ABRAXAS2: variants seen among roughly 807,000 people sequenced by gnomAD.
ABRAXAS2 encodes the protein abraxas 2, BRISC complex subunit.
Under a neutral mutation model 49.0 loss-of-function variants are expected in ABRAXAS2, and 23 were observed. That is an observed-to-expected ratio of 0.47 (90% CI 0.34 to 0.66). ABRAXAS2 has a LOEUF of 0.66. Ranked by LOEUF, ABRAXAS2 falls within the 30% of genes least tolerant of loss-of-function variation. The probability of loss-of-function intolerance (pLI) is 0.01; values close to 1 mark genes in which losing one functional copy is unlikely to be tolerated. For synonymous variants in ABRAXAS2, 168 were observed against 180.2 expected, an observed-to-expected ratio of 0.93 and a Z score of 0.54; for missense variants, 443 against 511.9, an observed-to-expected ratio of 0.87 and a Z score of 1.30.
At chr10:124,816,728 T>A in intron 3 of ABRAXAS2, 116 bp downstream of exon 3, 1 of 723,628 alleles carries the variant, frequency 1.4e-6, no homozygotes, top group Non-Finnish European at 2.4e-6. Context: ...CCCAAATCCA[T>A]GTATTTATTG....
In ABRAXAS2 at chr10:124,826,691, G is replaced by A. The variant is rs199972615; in HGVS notation, c.364G>A (p.Val122Met). The change falls in exon 5 of 9, where the codon GTG becomes ATG. Residue 122 changes from valine to methionine, a missense_variant. Transcript: ENST00000298492. ...CAAGCAGCTCACCCGCATCCTCGGCGTGCCCGACCTCGTCTTTCTTCTCTT... is the reference window on the plus strand; with the variant it reads ...CAAGCAGCTCACCCGCATCCTCGGCATGCCCGACCTCGTCTTTCTTCTCTT... ...LHKQLTRILG[V>M]PDLVFLLFSF... 1.0e-4 allele frequency: 161 copies of A among 1,614,068 alleles called. 1 individual carries two copies. Among genetic ancestry groups the A allele is most frequent in the African/African-American group, 3.3e-4 (25 of 74,930 alleles).
chr10:124,816,717 AC>A, intron 3 of ABRAXAS2, 105 bp downstream of exon 3: 1 of 771,738 alleles, frequency 1.3e-6, no homozygotes. Context: ...TCATGAGGGT[AC>A]CCAAATCCAT....
At chr10:124,809,539 G>A (rs1318272823) in intron 2 of ABRAXAS2, among the ~76,000 whole-genome samples, 1 of 151,842 alleles carries the variant, frequency 6.6e-6, no homozygotes, top group African/African-American at 2.4e-5. Flanking sequence ...ACCCGCTTTG[G>A]CCTCCCAAAG....
At chr10:124,822,791 C>CA (rs538474876) in intron 4 of ABRAXAS2, among the ~76,000 whole-genome samples, 2,911 of 65,490 alleles carry the variant, frequency 0.044, 49 homozygotes, top group South Asian at 0.15. Context: ...GACTCCAACT[C>CA]AAAAAAAAAA....
chr10:124,813,361 G>A (rs899379819), intron 2 of ABRAXAS2, among the ~76,000 whole-genome samples: 1 of 152,194 alleles, frequency 6.6e-6, no homozygotes, highest in African/African-American at 2.4e-5. Context: ...AGTGTCCTTA[G>A]TTAATGAGGT....
At chr10:124,819,952 A>G (rs2134166027) in intron 4 of ABRAXAS2, among the ~76,000 whole-genome samples, 1 of 152,292 alleles carries the variant, frequency 6.6e-6, no homozygotes, top group South Asian at 2.1e-4. Context: ...AGTGTCTAAT[A>G]ATGCCATTGG....
chr10:124,820,938 G>C (rs891884978), intron 4 of ABRAXAS2, among the ~76,000 whole-genome samples: 2 of 151,638 alleles, frequency 1.3e-5, no homozygotes, highest in African/African-American at 4.8e-5. Flanking sequence ...TTTGAGATGG[G>C]GGTCTCATGT....
At chr10:124,815,793 T>C (rs1950820522) in intron 2 of ABRAXAS2, among the ~76,000 whole-genome samples, 4 of 151,770 alleles carry the variant, frequency 2.6e-5, no homozygotes, top group Admixed American at 2.0e-4. Context: ...AGTTCCTTCC[T>C]CTTCAAAACA....
At chr10:124,810,589 G>GT (rs200123779) in intron 2 of ABRAXAS2, among the ~76,000 whole-genome samples, 105,027 of 146,674 alleles carry the variant, frequency 0.72, 37,625 homozygotes, top group Admixed American at 0.8. Context: ...GATGTTTTTG[G>GT]TTTTTTTTTT....
At chr10:124,822,520 C>A (rs1950867987) in intron 4 of ABRAXAS2, among the ~76,000 whole-genome samples, 1 of 151,870 alleles carries the variant, frequency 6.6e-6, no homozygotes, top group African/African-American at 2.4e-5. Flanking sequence ...CAGCCGGGCT[C>A]GGTGGCTCAT....
intron 2 of ABRAXAS2, among the ~76,000 whole-genome samples, chr10:124,810,069 G>A (rs953029131): frequency 6.6e-6 from 1 of 151,956 alleles, no homozygotes; most frequent in African/African-American, 2.4e-5. Flanking sequence ...ATATTTTTTT[G>A]AAATTTTTTT....
At chr10:124,827,492 T>A (rs892007905) in intron 5 of ABRAXAS2, among the ~76,000 whole-genome samples, 4 of 152,164 alleles carry the variant, frequency 2.6e-5, no homozygotes, top group African/African-American at 9.7e-5. Flanking sequence ...ACGGAAGGTA[T>A]TTTTCTTGTC....
At chr10:124,805,611 G>T (rs1382606387) in intron 1 of ABRAXAS2, among the ~76,000 whole-genome samples, 1 of 152,032 alleles carries the variant, frequency 6.6e-6, no homozygotes, top group Non-Finnish European at 1.5e-5. Flanking sequence ...TTCTGGCAAG[G>T]GATAATAAAT....
chr10:124,813,454 C>A (rs1227479009), intron 2 of ABRAXAS2, among the ~76,000 whole-genome samples: 1 of 152,160 alleles, frequency 6.6e-6, no homozygotes, highest in Non-Finnish European at 1.5e-5. Context: ...GAAGCAAGAA[C>A]AACAGTACCA....
chr10:124,830,358 A>G (rs1217340872), intron 7 of ABRAXAS2, among the ~76,000 whole-genome samples: 1 of 152,140 alleles, frequency 6.6e-6, no homozygotes, highest in African/African-American at 2.4e-5. Context: ...AGGAAGGAGG[A>G]TTGCTTGAGT....
At chr10:124,810,014 A>G (rs994956000) in intron 2 of ABRAXAS2, among the ~76,000 whole-genome samples, 3 of 152,286 alleles carry the variant, frequency 2.0e-5, no homozygotes, top group Admixed American at 1.3e-4. Flanking sequence ...TGGCCTCCCA[A>G]AGTGCTGCGA....
At chr10:124,834,179 T>G (rs1181103887) in intron 8 of ABRAXAS2, among the ~76,000 whole-genome samples, 1 of 152,100 alleles carries the variant, frequency 6.6e-6, no homozygotes, top group African/African-American at 2.4e-5. Context: ...GCATTCTGAG[T>G]CTCAGGCCCA....
chr10:124,812,313 G>A (rs1374694948), intron 2 of ABRAXAS2, among the ~76,000 whole-genome samples: 1 of 152,060 alleles, frequency 6.6e-6, no homozygotes, highest in East Asian at 1.9e-4. Context: ...ACGTTTACTA[G>A]TATTATCTTA....
At chr10:124,811,251 T>G (rs1950785448) in intron 2 of ABRAXAS2, among the ~76,000 whole-genome samples, 1 of 151,930 alleles carries the variant, frequency 6.6e-6, no homozygotes, top group South Asian at 2.1e-4. Context: ...AAACAGAATT[T>G]TGTTTCATAG....
Sources: allele counts gnomAD v4.1 joint callset (sites outside exome capture counted in the v4.1 genomes callset), GRCh38; gene constraint gnomAD v4.1.1; transcripts MANE v1.5; gene names NCBI Gene and HGNC (gene_info 2026-07-23, HGNC 2026-07-21).